Variants in SHOC1 observed in about 807,000 individuals in gnomAD.
SHOC1 encodes protein shortage in chiasmata 1 ortholog.
Under a neutral mutation model 179.2 loss-of-function variants are expected in SHOC1, and 136 were observed. That is an observed-to-expected ratio of 0.76 (90% CI 0.66 to 0.87). The LOEUF (loss-of-function observed/expected upper bound fraction) is 0.87, where lower values mean the gene tolerates loss of function less well. SHOC1 is among the 40% of genes least tolerant of loss of function. SHOC1 has a pLI of 0.00. For missense variants in SHOC1, 1,538 were observed against 1,700.8 expected (o/e 0.90, Z 1.68); for synonymous variants, 489 against 586.6 (o/e 0.83, Z 2.41).
chr9:111,776,911 G>A (rs1835855204), intron 4 of SHOC1, among the ~76,000 whole-genome samples: 1 of 152,196 alleles, frequency 6.6e-6, no homozygotes, highest in Non-Finnish European at 1.5e-5. Context: ...GGATAGAGAC[G>A]CAGAGCCAGC....
At chr9:111,763,558 A>G (rs1379058091) in intron 5 of SHOC1, among the ~76,000 whole-genome samples, 1 of 152,178 alleles carries the variant, frequency 6.6e-6, no homozygotes, top group Non-Finnish European at 1.5e-5. Context: ...GGAATCTATA[A>G]CTAGTCAAAC....
Position 111,756,366 on chromosome 9 carries a change from A to G in SHOC1, c.821T>C (p.Ile274Thr). The change falls in exon 8 of 28, where the codon ATA becomes ACA. Residue 274 changes from isoleucine to threonine, a missense_variant. Transcript: ENST00000682961. ...TTCCTTTTCATCTACATAGTTTATT[A>G]TTTCTGGCACTGGGTTTAATAACTC... ...LKELLNPVPEIINYVDEKEKL... is the reference protein window; with the variant it reads ...LKELLNPVPETINYVDEKEKL... The G allele has an allele frequency of 6.2e-7, 1 of 1,609,416 alleles. No individual in the cohort carries two copies. The highest frequency in any genetic ancestry group is 8.5e-7 in the Non-Finnish European group (1 of 1,178,368).
At chr9:111,768,623 T>C (rs1235788644) in intron 5 of SHOC1, among the ~76,000 whole-genome samples, 1 of 152,248 alleles carries the variant, frequency 6.6e-6, no homozygotes, top group Non-Finnish European at 1.5e-5. Flanking sequence ...ACTATTATTT[T>C]AGGTTCAAGG....
chr9:111,735,714 G>C (rs1024858444), intron 12 of SHOC1, among the ~76,000 whole-genome samples: 2 of 152,188 alleles, frequency 1.3e-5, no homozygotes, highest in Non-Finnish European at 2.9e-5. Flanking sequence ...TAATGGGATT[G>C]CTGGGTCAAA....
At chr9:111,766,752 T>C (rs1171886212) in intron 5 of SHOC1, among the ~76,000 whole-genome samples, 1 of 152,068 alleles carries the variant, frequency 6.6e-6, no homozygotes, top group Non-Finnish European at 1.5e-5. Context: ...GCTGGGATTA[T>C]AGATGGCTGC....
At chr9:111,794,690 A>G (rs975949913) in intron 1 of SHOC1, among the ~76,000 whole-genome samples, 2 of 152,170 alleles carry the variant, frequency 1.3e-5, no homozygotes, top group Admixed American at 6.5e-5. Flanking sequence ...TCCCACCAGC[A>G]TCTCTGAGAC....
In SHOC1 at chr9:111,758,716, A is replaced by G; in HGVS notation, c.575T>C (p.Phe192Ser). 6.3e-7 allele frequency: 1 copy of G among 1,582,134 alleles called. No individual in the cohort carries two copies. Among genetic ancestry groups the G allele is most frequent in the Non-Finnish European group, 8.5e-7 (1 of 1,171,312 alleles). Residue 192 changes from phenylalanine (F) to serine (S), a missense_variant, in exon 6 of 28, where the codon TTC (phenylalanine) becomes TCC (serine). Coordinates refer to ENST00000682961, the MANE Select transcript of SHOC1 (RefSeq NM_001378211.1). Reference sequence around the variant, plus strand: ...GTACCTGGAAAAATTAGCTTCTGTGAAGATCTGTCCTTTGAAATCTAAAAG... The same window carrying G: ...GTACCTGGAAAAATTAGCTTCTGTGGAGATCTGTCCTTTGAAATCTAAAAG... ...DPLLDFKGQI[F>S]TEANFSRECF...
chr9:111,714,940 G>A (rs1324652533), intron 16 of SHOC1, among the ~76,000 whole-genome samples: 5 of 152,122 alleles, frequency 3.3e-5, no homozygotes, highest in Admixed American at 2.6e-4. Context: ...TATTTACATG[G>A]AAGTCCTGTT....
chr9:111,751,393 A>T (rs571815427), intron 8 of SHOC1, among the ~76,000 whole-genome samples: 1 of 152,300 alleles, frequency 6.6e-6, no homozygotes, highest in African/African-American at 2.4e-5. Flanking sequence ...CAATTTTTGC[A>T]CATTGATTTT....
intron 2 of SHOC1, among the ~76,000 whole-genome samples, chr9:111,788,695 G>T (rs1338464638): frequency 1.3e-5 from 2 of 152,112 alleles, no homozygotes; most frequent in African/African-American, 4.8e-5. Context: ...GTATAATGTG[G>T]ATGCTTAACT....
Position 111,738,280 on chromosome 9 carries a change from A to G in SHOC1, c.1417T>C (p.Ser473Pro), listed in dbSNP as rs201133767. 4.9e-5 allele frequency: 78 copies of G among 1,605,154 alleles called. No homozygotes were observed. The East Asian group carries it at 1.5e-3, about 30-fold the overall frequency. ...CTAATATTTACTGTGATGTACTTAC[A>G]TTCTAATTGAAGCACTTTCGTAGGC... ...FLPTKVLQLE[S>P]CLEHKSHSSP... The change falls in exon 12 of 28, where the codon TCA (serine) becomes CCA (proline). Residue 473 changes from serine to proline, a missense_variant and splice_region_variant. Transcript: ENST00000682961.
At chr9:111,728,438 A>G (rs1167673509) in intron 12 of SHOC1, among the ~76,000 whole-genome samples, 1 of 152,222 alleles carries the variant, frequency 6.6e-6, no homozygotes, top group African/African-American at 2.4e-5. Context: ...TCCAAAATAT[A>G]TAAAGAACTC....
Position 111,746,346 on chromosome 9 carries a change from G to A in SHOC1, c.971-4C>T. On this transcript the variant is annotated splice_region_variant and splice_polypyrimidine_tract_variant and intron_variant, in intron 9 of 27. Coordinates refer to ENST00000682961, the MANE Select transcript of SHOC1 (RefSeq NM_001378211.1). ...GTTAGTGGCATTTCTAACTCTCCTGGAATATATGAAAATTAAAGTTATGTA... is the reference window on the plus strand; with the variant it reads ...GTTAGTGGCATTTCTAACTCTCCTGAAATATATGAAAATTAAAGTTATGTA... 2 of 1,562,428 alleles carry A rather than the reference G, an allele frequency of 1.3e-6. No individual in the cohort carries two copies. The highest frequency in any genetic ancestry group is 2.2e-5 in the South Asian group (2 of 89,936).
intron 5 of SHOC1, among the ~76,000 whole-genome samples, chr9:111,769,343 T>C (rs1197848892): frequency 6.6e-6 from 1 of 152,186 alleles, no homozygotes; most frequent in Non-Finnish European, 1.5e-5. Context: ...ATTAGTTCTT[T>C]AAATGTTTGG....
rs369745880 is a variant in SHOC1, at chr9:111,756,503, T to C, written c.709-25A>G. The C allele has an allele frequency of 7.0e-6, 11 of 1,566,068 alleles. No homozygotes were observed. The African/African-American group carries it at 1.4e-4, about 20-fold the overall frequency. ...GCTGAAAAAACATAGTTTAAAAAAGTTTTTAGAGAGGCTTTCCAAATAAAT... is the reference window on the plus strand; with the variant it reads ...GCTGAAAAAACATAGTTTAAAAAAGCTTTTAGAGAGGCTTTCCAAATAAAT... On this transcript the variant is annotated intron_variant, in intron 7 of 27. Coordinates refer to ENST00000682961, the MANE Select transcript of SHOC1 (RefSeq NM_001378211.1).
chr9:111,741,427 C>G (rs750253422), intron 11 of SHOC1, 49 bp downstream of exon 11: 3 of 1,063,414 alleles, frequency 2.8e-6, no homozygotes, highest in African/African-American at 1.6e-5. Flanking sequence ...CTCGTTGTAC[C>G]TTTTTACCTA....
intron 1 of SHOC1, 124 bp downstream of exon 1, chr9:111,794,776 C>A (rs1836567403): frequency 6.6e-6 from 1 of 152,266 alleles, no homozygotes; most frequent in Non-Finnish European, 1.5e-5. Context: ...ATCGGCCGGG[C>A]CTCACAGATG....
intron 4 of SHOC1, among the ~76,000 whole-genome samples, chr9:111,780,587 AAAT>A (rs1314292786): frequency 1.3e-5 from 2 of 152,218 alleles, no homozygotes; most frequent in African/African-American, 4.8e-5. Context: ...CTTAAATAAT[AAAT>A]AATGTTTTGA....
chr9:111,694,464 G>T, intron 24 of SHOC1, 102 bp from the exon 25 acceptor site: 2 of 777,982 alleles, frequency 2.6e-6, no homozygotes, highest in Non-Finnish European at 3.9e-6. Flanking sequence ...AACAACAGCA[G>T]ATTCTATCTA....
Sources: gnomAD v4.1 joint callset for allele counts (sites outside exome capture counted in the v4.1 genomes callset) on GRCh38, gnomAD v4.1.1 for gene constraint, MANE v1.5 for transcripts, NCBI Gene and HGNC (gene_info 2026-07-23, HGNC 2026-07-21) for gene names.